NECAB2: variants seen among roughly 807,000 people sequenced by gnomAD.
NECAB2 encodes N-terminal EF-hand calcium binding protein 2.
NECAB2 carries 68 observed loss-of-function variants against 51.9 expected under a neutral mutation model. The observed-to-expected ratio is 1.31, with a 90% CI of 1.08 to 1.60. The LOEUF is 1.60. Ranked by LOEUF, NECAB2 falls within the 40% of genes most tolerant of loss-of-function variation. The pLI, the probability that NECAB2 is intolerant of heterozygous loss-of-function variation, is 0.00. For missense variants in NECAB2, 854 were observed against 490.3 expected, an observed-to-expected ratio of 1.74 and a Z score of -7.00; for synonymous variants, 329 against 203.5, an observed-to-expected ratio of 1.62 and a Z score of -5.25.
rs561780991 is a variant in NECAB2, at chr16:83,987,420, C to A, written c.460-3074C>A. On this transcript the variant is annotated intron_variant, in intron 5 of 12. Coordinates refer to ENST00000305202, the MANE Select transcript of NECAB2 (RefSeq NM_019065.3). ...GTTTGACGCATATAGACTTTTGTTA[C>A]AGTACTTCTGTTATATAATGGTACG... Among the ~76,000 whole-genome samples, 35 of 152,230 alleles carry A rather than the reference C, an allele frequency of 2.3e-4. 1 individual carries two copies. The highest frequency in any genetic ancestry group is 8.4e-4 in the African/African-American group (35 of 41,542).
chr16:83,990,663 G>A (rs537835931), intron 6 of NECAB2, 33 bp downstream of exon 6: 2 of 1,611,234 alleles, frequency 1.2e-6, no homozygotes, highest in Admixed American at 3.3e-5. Flanking sequence ...GGTCCCATGG[G>A]GGTATGCCGT....
At position 83,994,304 on chromosome 16, in the gene NECAB2, A is replaced by C. The variant is rs1245732400; in HGVS notation, c.599A>C (p.Gln200Pro). The C allele has an allele frequency of 3.7e-6, 6 of 1,614,118 alleles. No homozygotes were observed. The highest frequency in any genetic ancestry group is 4.2e-6 in the Non-Finnish European group (5 of 1,180,028). Residue 200 changes from glutamine to proline, a missense_variant and splice_region_variant, in exon 7 of 13, where the codon CAG (glutamine) becomes CCG (proline). Physicochemically the swap from Gln to Pro is moderately conservative, Grantham distance 76 (BLOSUM62 -1). Transcript: ENST00000305202. Reference sequence around the variant, plus strand: ...GTGTGTTCCCATCCAAACTGCAGACAGAACCACATCAAACCCAGCCACAGC... The same window carrying C: ...GTGTGTTCCCATCCAAACTGCAGACCGAACCACATCAAACCCAGCCACAGC... ...AIEEQTSQLR[Q>P]NHIKPSHSAA...
intron 12 of NECAB2, 90 bp downstream of exon 12, chr16:84,002,006 GC>G: frequency 7.0e-7 from 1 of 1,421,998 alleles, no homozygotes; most frequent in Non-Finnish European, 9.7e-7. Flanking sequence ...CCGGGGACTT[GC>G]CTGCTTGCTG....
At chr16:83,969,336 C>G (rs1239099598) in intron 1 of NECAB2, among the ~76,000 whole-genome samples, 1 of 152,080 alleles carries the variant, frequency 6.6e-6, no homozygotes, top group African/African-American at 2.4e-5. Context: ...GTTCATCTCA[C>G]GCTCAAAGAC....
chr16:83,978,134 A>G (rs572996341), intron 2 of NECAB2, among the ~76,000 whole-genome samples: 53 of 152,210 alleles, frequency 3.5e-4, no homozygotes, highest in Non-Finnish European at 6.2e-4. Flanking sequence ...CAAGAAAGCT[A>G]GCTATTGCAT....
intron 5 of NECAB2, 107 bp downstream of exon 5, chr16:83,981,234 T>G: frequency 1.0e-6 from 1 of 991,184 alleles, no homozygotes; most frequent in Admixed American, 2.0e-5. Flanking sequence ...CAGGGAGGCC[T>G]ATCTCAGGGG....
chr16:83,976,759 C>T (rs149626507), intron 2 of NECAB2, among the ~76,000 whole-genome samples: 1 of 152,158 alleles, frequency 6.6e-6, no homozygotes, highest in Non-Finnish European at 1.5e-5. Context: ...ATATTCTTTA[C>T]CGGTCTCTGA....
intron 2 of NECAB2, among the ~76,000 whole-genome samples, chr16:83,974,809 G>C (rs1191422056): frequency 1.3e-5 from 2 of 152,136 alleles, no homozygotes; most frequent in African/African-American, 4.8e-5. Flanking sequence ...AGAGGAATGA[G>C]TGTAGGGGTG....
At chr16:83,981,216 C>T in intron 5 of NECAB2, 89 bp downstream of exon 5, 6 of 1,210,398 alleles carry the variant, frequency 5.0e-6, no homozygotes, top group Non-Finnish European at 7.2e-6. Flanking sequence ...TTTTTGAAGA[C>T]AGGCCGCCAG....
chr16:83,992,658 A>G (rs2084641495), intron 6 of NECAB2, among the ~76,000 whole-genome samples: 1 of 152,138 alleles, frequency 6.6e-6, no homozygotes, highest in Admixed American at 6.5e-5. Context: ...TTGTGAAGGT[A>G]ACTCTGAGAC....
chr16:83,973,101 C>T (rs1276658845), intron 2 of NECAB2, among the ~76,000 whole-genome samples: 2 of 152,208 alleles, frequency 1.3e-5, no homozygotes, highest in Non-Finnish European at 2.9e-5. Context: ...TCGCGTGCTC[C>T]CGGTATGTTC....
At chr16:83,965,407 G>A (rs890515968), upstream of NECAB2, 5 of 1,577,740 alleles carry the variant, frequency 3.2e-6, no homozygotes, top group African/African-American at 5.4e-5. Flanking sequence ...CCACAAGGGT[G>A]GGTGCGGTGA....
chr16:83,967,467 TGGATGGGA>T, upstream of NECAB2, among the ~76,000 whole-genome samples: 1 of 8,500 alleles, frequency 1.2e-4, no homozygotes, highest in African/African-American at 5.1e-4. Context: ...GATGGATGGA[TGGATGGGA>T]GGGAGGGGGG....
chr16:84,001,823 A>C lies in NECAB2; in HGVS notation c.1041-2A>C. ...TGACTCACACATGTCCCTGCGTCACAGGCACCTGCAGAGCCCCCTGTGTAA... is the reference window on the plus strand; with the variant it reads ...TGACTCACACATGTCCCTGCGTCACCGGCACCTGCAGAGCCCCCTGTGTAA... On this transcript the variant is annotated splice_acceptor_variant, in intron 11 of 12. Coordinates refer to ENST00000305202, the MANE Select transcript of NECAB2 (RefSeq NM_019065.3). LOFTEE classifies it high-confidence loss of function. The C allele has an allele frequency of 6.2e-7, 1 of 1,613,960 alleles. No individual in the cohort carries two copies. Among genetic ancestry groups the C allele is most frequent in the Non-Finnish European group, 8.5e-7 (1 of 1,179,890 alleles).
At position 83,998,288 on chromosome 16, in the gene NECAB2, G is replaced by C; in HGVS notation, c.933G>C (p.Arg311=). ...EFLDSLRQYL[R]GTTGVRNCFH... ...TGGACTCTCTGCGCCAGTATCTGCG[G>C]GGGACCACTGGCGTGAGGAACTGCT... The change falls in exon 10 of 13, where the codon CGG becomes CGC. Residue 311 remains arginine (R), a synonymous_variant. Coordinates refer to ENST00000305202, the MANE Select transcript of NECAB2 (RefSeq NM_019065.3). 1 of 1,613,544 alleles carries C rather than the reference G, an allele frequency of 6.2e-7. No homozygotes were observed. Among genetic ancestry groups the C allele is most frequent in the Non-Finnish European group, 8.5e-7 (1 of 1,179,998 alleles).
intron 1 of NECAB2, among the ~76,000 whole-genome samples, chr16:83,971,172 C>T (rs2084343332): frequency 6.6e-6 from 1 of 152,076 alleles, no homozygotes; most frequent in South Asian, 2.1e-4. Context: ...CACTACAGTG[C>T]AGAGTAGGTG....
intron 2 of NECAB2, 113 bp downstream of exon 2, chr16:83,972,288 G>C: frequency 1.3e-6 from 2 of 1,490,952 alleles, no homozygotes; most frequent in South Asian, 2.3e-5. Context: ...GGTTTGGAGT[G>C]CAGGGGTCTG....
At chr16:83,990,662 G>A (rs569551686) in intron 6 of NECAB2, 32 bp downstream of exon 6, 1 of 1,611,364 alleles carries the variant, frequency 6.2e-7, no homozygotes, top group South Asian at 1.1e-5. Context: ...GGGTCCCATG[G>A]GGGTATGCCG....
chr16:83,967,705 CGGATGGATGGATGGATGGAT>C (rs60129536), upstream of NECAB2, among the ~76,000 whole-genome samples: 1 of 77,194 alleles, frequency 1.3e-5, no homozygotes, highest in Non-Finnish European at 2.4e-5. Flanking sequence ...GATGGATGGA[CGGATGGATGGATGGATGGAT>C]GGATGGATGG....
Sources: allele counts gnomAD v4.1 joint callset (sites outside exome capture counted in the v4.1 genomes callset), GRCh38; gene constraint gnomAD v4.1.1; transcripts MANE v1.5; gene names NCBI Gene and HGNC (gene_info 2026-07-23, HGNC 2026-07-21).